Variants in LINGO2 observed in about 807,000 individuals in gnomAD.
LINGO2 encodes the protein leucine rich repeat and Ig domain containing 2.
In LINGO2, 14 loss-of-function variants were observed where a neutral mutation model predicts 30.6. The observed-to-expected ratio is 0.46, with a 90% CI of 0.30 to 0.72. The LOEUF is 0.72. Among genes scored for constraint, LINGO2 ranks in the 30% least tolerant of loss-of-function variants. The pLI is 0.07. For synonymous variants in LINGO2, 317 were observed against 288.5 expected (o/e 1.10, Z -1.00); for missense variants, 729 against 751.7 (o/e 0.97, Z 0.35).
chr9:29,148,663 T>C, the LINGO2 span, among the ~76,000 whole-genome samples: 32 of 152,314 alleles, frequency 2.1e-4, no homozygotes, highest in Non-Finnish European at 7.4e-5. Context: ...CATAGAAACA[T>C]ATTTAATCAC....
At chr9:29,161,591 G>C in the LINGO2 span, among the ~76,000 whole-genome samples, 4 of 152,098 alleles carry the variant, frequency 2.6e-5, no homozygotes, top group Admixed American at 1.3e-4. Context: ...TAGTTTGCTG[G>C]GCTGCCCCTT....
At chr9:29,066,523 GA>G in the LINGO2 span, among the ~76,000 whole-genome samples, 3 of 151,892 alleles carry the variant, frequency 2.0e-5, no homozygotes, top group Non-Finnish European at 4.4e-5. Flanking sequence ...GCACCCTAGA[GA>G]TAACAGTTAA....
At chr9:28,433,398 T>C (rs907369751) in intron 2 of LINGO2, among the ~76,000 whole-genome samples, 8 of 152,142 alleles carry the variant, frequency 5.3e-5, no homozygotes, top group African/African-American at 1.9e-4. Flanking sequence ...TCAGGCATCA[T>C]GCTGAGCCAG....
intron 4 of LINGO2, among the ~76,000 whole-genome samples, chr9:28,154,685 C>A (rs1828087084): frequency 6.6e-6 from 1 of 152,146 alleles, no homozygotes; most frequent in Non-Finnish European, 1.5e-5. Context: ...TTCCACTTTG[C>A]AGCATCCCCT....
At chr9:29,119,030 A>G in the LINGO2 span, among the ~76,000 whole-genome samples, 4 of 152,150 alleles carry the variant, frequency 2.6e-5, no homozygotes, top group Admixed American at 6.5e-5. Flanking sequence ...GTCCCTGATA[A>G]CAGAGATACC....
At chr9:28,377,553 G>C (rs140319127) in intron 2 of LINGO2, among the ~76,000 whole-genome samples, 163 of 152,084 alleles carry the variant, frequency 1.1e-3, no homozygotes, top group African/African-American at 3.6e-3. Flanking sequence ...TGTGTGGGGG[G>C]GTTAGTTTCC....
intron 1 of LINGO2, among the ~76,000 whole-genome samples, chr9:28,522,884 A>C (rs572172339): frequency 1.3e-5 from 2 of 151,870 alleles, no homozygotes; most frequent in African/African-American, 4.8e-5. Context: ...TGTAGAAATC[A>C]GAAAAAAAAA....
intron 1 of LINGO2, among the ~76,000 whole-genome samples, chr9:28,582,252 A>C (rs1182382118): frequency 6.6e-6 from 1 of 152,114 alleles, no homozygotes; most frequent in Non-Finnish European, 1.5e-5. Context: ...AAAATCAAAA[A>C]GGAGGATTGA....
chr9:28,262,171 G>A (rs924600185), intron 4 of LINGO2, among the ~76,000 whole-genome samples: 1 of 151,652 alleles, frequency 6.6e-6, no homozygotes, highest in African/African-American at 2.4e-5. Flanking sequence ...ATGTTGTAAT[G>A]GTACTTACTT....
chr9:28,167,654 T>TG (rs1828469523), intron 4 of LINGO2, among the ~76,000 whole-genome samples: 1 of 152,220 alleles, frequency 6.6e-6, no homozygotes, highest in South Asian at 2.1e-4. Context: ...CCCAGAGTAT[T>TG]GGGATTACAG....
chr9:29,048,884 A>G, the LINGO2 span, among the ~76,000 whole-genome samples: 1 of 152,168 alleles, frequency 6.6e-6, no homozygotes. Flanking sequence ...ATTGAGAAAA[A>G]TCTCCAACAC....
At chr9:28,416,995 T>G (rs924020391) in intron 2 of LINGO2, among the ~76,000 whole-genome samples, 2 of 152,184 alleles carry the variant, frequency 1.3e-5, no homozygotes. Context: ...AATACACAAT[T>G]TATTGCAAAT....
chr9:28,548,123 A>G (rs963673141), intron 1 of LINGO2, among the ~76,000 whole-genome samples: 1 of 152,140 alleles, frequency 6.6e-6, no homozygotes, highest in African/African-American at 2.4e-5. Context: ...CTTTCCTTTA[A>G]GGAACCGTAA....
At chr9:28,557,894 G>C (rs953518606) in intron 1 of LINGO2, among the ~76,000 whole-genome samples, 7 of 150,370 alleles carry the variant, frequency 4.7e-5, no homozygotes, top group Non-Finnish European at 1.0e-4. Context: ...ACTATCGCAA[G>C]GACAAAAAAC....
At chr9:28,165,696 A>G (rs71512425) in intron 4 of LINGO2, among the ~76,000 whole-genome samples, 28,915 of 152,086 alleles carry the variant, frequency 0.19, 2,794 homozygotes, top group South Asian at 0.24. Flanking sequence ...TTCCCTCTAG[A>G]GAAGCTAAGG....
chr9:28,805,895 T>C, the LINGO2 span, among the ~76,000 whole-genome samples: 3 of 152,144 alleles, frequency 2.0e-5, no homozygotes, highest in African/African-American at 7.2e-5. Context: ...AATTATAACA[T>C]ATATTTCATT....
rs1001136638 is a variant in LINGO2, at chr9:28,329,756, C to A, written c.-245-34390G>T. 3.3e-5 allele frequency among the ~76,000 whole-genome samples: 5 copies of A among 152,042 alleles called. No homozygotes were observed. The highest frequency in any genetic ancestry group is 1.2e-4 in the African/African-American group (5 of 41,390). On this transcript the variant is annotated intron_variant, in intron 3 of 5. Coordinates refer to ENST00000379992, the Ensembl canonical transcript of LINGO2. This position sits in a 1 kb window ranked among gnomAD's most constrained non-coding sequence, Gnocchi z 4.5. ...CTTCAAGACTTCAAACAGGCATGAC[C>A]TTTTCCATGCAGACCATCCTGACCC...
At chr9:29,129,396 A>G in the LINGO2 span, among the ~76,000 whole-genome samples, 1 of 152,152 alleles carries the variant, frequency 6.6e-6, no homozygotes, top group Non-Finnish European at 1.5e-5. Context: ...GTAATTTAAA[A>G]TCTTAAAAAT....
At chr9:28,199,467 T>C (rs1463436482) in intron 4 of LINGO2, among the ~76,000 whole-genome samples, 2 of 151,766 alleles carry the variant, frequency 1.3e-5, no homozygotes, top group African/African-American at 4.8e-5. Context: ...GCCTCCCGAG[T>C]AGCTGGGACT....
Sources: allele counts gnomAD v4.1 joint callset (sites outside exome capture counted in the v4.1 genomes callset), GRCh38; gene constraint gnomAD v4.1.1; non-coding constraint Gnocchi (gnomAD v3.1); transcripts MANE v1.5; gene names NCBI Gene and HGNC (gene_info 2026-07-23, HGNC 2026-07-21).